The following ANAPC5 variants were observed in gnomAD, a reference collection of about 807,000 sequenced individuals.
ANAPC5 encodes the protein anaphase promoting complex subunit 5, also known as anaphase-promoting complex subunit 5.
In ANAPC5, 60 loss-of-function variants were observed where a neutral mutation model predicts 91.3. The ratio of observed to expected loss-of-function variants is 0.66; its 90% CI spans 0.53 to 0.81. The LOEUF (loss-of-function observed/expected upper bound fraction) is 0.81. ANAPC5 is among the 40% of genes least tolerant of loss of function. ANAPC5 has a pLI of 0.00. For missense variants in ANAPC5, 690 were observed against 931.5 expected (o/e 0.74, Z 3.37); for synonymous variants, 340 against 364.1 (o/e 0.93, Z 0.75).
chr12:121,342,372 G>A lies in ANAPC5; in HGVS notation c.591-303C>T, dbSNP rs1903492798. ...CACATCCACATGCAAAAGCATGAAGGTGGATCCTTATCTAACACCATATTC... is the reference window on the plus strand; with the variant it reads ...CACATCCACATGCAAAAGCATGAAGATGGATCCTTATCTAACACCATATTC... On this transcript the variant is annotated intron_variant, in intron 4 of 16. Transcript: ENST00000261819. The surrounding 1 kb of genome is among the most constrained non-coding windows in gnomAD (Gnocchi z 4.1). 6.6e-6 allele frequency among the ~76,000 whole-genome samples: 1 copy of A among 152,120 alleles called. No homozygotes were observed. The highest frequency in any genetic ancestry group is 2.4e-5 in the African/African-American group (1 of 41,424).
chr12:121,330,743 G>A (rs1903012912), intron 8 of ANAPC5, 71 bp from the exon 9 acceptor site: 1 of 1,267,904 alleles, frequency 7.9e-7, no homozygotes, highest in Non-Finnish European at 1.1e-6. Flanking sequence ...ATATCAATGT[G>A]GTCATAAGAA....
rs782330692 is a variant in ANAPC5 at position 121,347,836 on chromosome 12, A to G, written c.253T>C (p.Ser85Pro). 1 of 1,613,802 alleles carries G rather than the reference A, an allele frequency of 6.2e-7. No individual in the cohort carries two copies. The highest frequency in any genetic ancestry group is 8.5e-7 in the Non-Finnish European group (1 of 1,179,766). Reference protein sequence around the residue: ...LSKLYKLIEESCPQLANSVQI... With the variant: ...LSKLYKLIEEPCPQLANSVQI... Reference sequence around the variant, plus strand: ...ACTGAATTTGCCAGCTGTGGACAAGACTCTTCAATTAACTTGTAAAGTTTT... The same window carrying G: ...ACTGAATTTGCCAGCTGTGGACAAGGCTCTTCAATTAACTTGTAAAGTTTT... The change falls in exon 2 of 17, where the codon TCT (serine) becomes CCT (proline). Residue 85 changes from serine to proline, a missense_variant. Physicochemically the swap from Ser to Pro is moderately conservative, Grantham distance 74. Transcript: ENST00000261819.
rs1555275494 is a variant in ANAPC5 at position 121,352,287 on chromosome 12, A to G, written c.54T>C (p.Val18=). ...TGATGCCGAACACATTGGCGTGCACAACCCCATTGGTCATCATGGGATTGA... is the reference window on the plus strand; with the variant it reads ...TGATGCCGAACACATTGGCGTGCACGACCCCATTGGTCATCATGGGATTGA... ...LYFNPMMTNG[V]VHANVFGIKD... The change falls in exon 1 of 17, where the codon GTT becomes GTC. Residue 18 remains valine (V), a synonymous_variant. Coordinates refer to ENST00000261819, the MANE Select transcript of ANAPC5 (RefSeq NM_016237.5). The G allele has an allele frequency of 1.9e-6, 3 of 1,613,822 alleles. No individual in the cohort carries two copies. The highest frequency in any genetic ancestry group is 2.5e-6 in the Non-Finnish European group (3 of 1,179,842).
chr12:121,321,255 A>C (rs1902594100), intron 11 of ANAPC5: 1 of 152,192 alleles, frequency 6.6e-6, no homozygotes, highest in Admixed American at 6.5e-5. Context: ...GTCTCAAAAA[A>C]AAAAATTTTT....
chr12:121,313,622 C>G lies in ANAPC5; in HGVS notation c.1894-3759G>C, dbSNP rs373921421. On this transcript the variant is annotated intron_variant, in intron 15 of 16. Transcript: ENST00000261819. The stretch of plus-strand genomic sequence containing the variant: ...ATGGATTATACAAGAATACCATGAA[C>G]AATTCTATGCAAGAAATTAGATAAA... Among the ~76,000 whole-genome samples, 11 of 152,202 alleles carry G rather than the reference C, an allele frequency of 7.2e-5. No homozygotes were observed. The East Asian group carries it at 1.5e-3, about 21-fold the overall frequency.
intron 15 of ANAPC5, among the ~76,000 whole-genome samples, chr12:121,317,192 T>G (rs1902400700): frequency 1.3e-5 from 2 of 152,114 alleles, no homozygotes; most frequent in Non-Finnish European, 2.9e-5. Flanking sequence ...TTGTCAATAT[T>G]CTCAAAACCA....
intron 13 of ANAPC5, among the ~76,000 whole-genome samples, chr12:121,318,963 T>G (rs566254704): frequency 1.3e-5 from 2 of 151,912 alleles, no homozygotes; most frequent in South Asian, 4.2e-4. Context: ...GAGATTGCAG[T>G]GAGCTGAGAT....
chr12:121,352,091 TA>T, intron 1 of ANAPC5, 42 bp downstream of exon 1: 3 of 1,559,590 alleles, frequency 1.9e-6, no homozygotes, highest in Non-Finnish European at 1.7e-6. Flanking sequence ...AGATGCTCAG[TA>T]AAAGTTTGCT....
At chr12:121,347,992 C>T (rs1169961) in intron 1 of ANAPC5, 111 bp from the exon 2 acceptor site, 1 of 742,380 alleles carries the variant, frequency 1.3e-6, no homozygotes, top group Non-Finnish European at 2.3e-6. Context: ...TCACTCCAAA[C>T]ATGCAAATAA....
intron 11 of ANAPC5, 59 bp downstream of exon 11, chr12:121,327,037 G>A: frequency 2.0e-6 from 3 of 1,527,916 alleles, no homozygotes. Context: ...AGCATTAGAG[G>A]AAAGAAATGG....
chr12:121,351,687 GA>G (rs1304761167), intron 1 of ANAPC5, among the ~76,000 whole-genome samples: 1 of 152,004 alleles, frequency 6.6e-6, no homozygotes, highest in Non-Finnish European at 1.5e-5. Context: ...TCGAACTCCT[GA>G]CCTCGTGATC....
chr12:121,335,599 C>T lies in ANAPC5; in HGVS notation c.884G>A (p.Gly295Asp), dbSNP rs782745124. The T allele has an allele frequency of 6.2e-7, 1 of 1,613,974 alleles. No homozygotes were observed. The highest frequency in any genetic ancestry group is 8.5e-7 in the Non-Finnish European group (1 of 1,179,846). The change falls in exon 7 of 17, where the codon GGC becomes GAC. Residue 295 changes from glycine to aspartate, a missense_variant. Physicochemically the swap from Gly to Asp is moderately conservative, Grantham distance 94. Around this residue, in one of 5 missense-constraint regions of ANAPC5, gnomAD observed 83 missense variants for 150.8 expected, o/e 0.55. Coordinates refer to ENST00000261819, the MANE Select transcript of ANAPC5 (RefSeq NM_016237.5). ...GAESKSNGEE[G>D]YGRSLRYAAL... is the part of the protein sequence containing the mutation. ...GGCGTATCTCAAGCTCCGGCCATAG[C>T]CCTCTTCCCCATTACTTTTGCTTTC... is the stretch of plus-strand genomic sequence containing the variant.
intron 4 of ANAPC5, 110 bp downstream of exon 4, chr12:121,345,729 G>A: frequency 8.8e-7 from 1 of 1,133,648 alleles, no homozygotes; most frequent in South Asian, 1.5e-5. Context: ...GATCTGGAAG[G>A]GTAAAAAGGG....
intron 13 of ANAPC5, among the ~76,000 whole-genome samples, chr12:121,319,177 G>A (rs1902500730): frequency 6.6e-6 from 1 of 151,632 alleles, no homozygotes; most frequent in South Asian, 2.1e-4. Flanking sequence ...ATAGATAACA[G>A]CATGTTAATG....
chr12:121,352,116 C>G lies in ANAPC5; in HGVS notation c.207+18G>C, dbSNP rs376163609. ...TAAAAGTTTGCTGCACGAGCAGGAG[C>G]CAGCGGGCGCCTCTCACCTGCAGCA... On this transcript the variant is annotated intron_variant, in intron 1 of 16. Coordinates refer to ENST00000261819, the MANE Select transcript of ANAPC5 (RefSeq NM_016237.5). 6.9e-6 allele frequency: 11 copies of G among 1,590,502 alleles called. No individual in the cohort carries two copies. The highest frequency in any genetic ancestry group is 9.4e-6 in the Non-Finnish European group (11 of 1,165,428).
chr12:121,314,820 G>A (rs987702474), intron 15 of ANAPC5, among the ~76,000 whole-genome samples: 5 of 151,882 alleles, frequency 3.3e-5, no homozygotes, highest in African/African-American at 7.3e-5. Context: ...TAGTAGAGAC[G>A]GGGTTTCACC....
At chr12:121,353,733 C>T (rs1903991120), upstream of ANAPC5, among the ~76,000 whole-genome samples, 1 of 152,156 alleles carries the variant, frequency 6.6e-6, no homozygotes, top group South Asian at 2.1e-4. Context: ...AGCCACCGCG[C>T]CCGGCCTGCC....
upstream of ANAPC5, chr12:121,352,441 A>C: frequency 3.2e-6 from 3 of 945,056 alleles, no homozygotes; most frequent in Non-Finnish European, 4.8e-6. Flanking sequence ...CCCTCACAAT[A>C]TCCCAGGAAA....
At chr12:121,328,046 T>TCG in intron 10 of ANAPC5, 4 of 364,682 alleles carry the variant, frequency 1.1e-5, no homozygotes, top group East Asian at 1.0e-4. Flanking sequence ...AGATCAGATG[T>TCG]GTGAACCCTG....
Sources: allele counts gnomAD v4.1 joint callset (sites outside exome capture counted in the v4.1 genomes callset), GRCh38; gene constraint gnomAD v4.1.1; regional missense constraint gnomAD v4.1.1; non-coding constraint Gnocchi (gnomAD v3.1); transcripts MANE v1.5; gene names NCBI Gene and HGNC (gene_info 2026-07-23, HGNC 2026-07-21).